Variants in NDUFB3 observed in about 807,000 individuals in gnomAD.
The protein encoded by NDUFB3 is NADH dehydrogenase [ubiquinone] 1 beta subcomplex subunit 3.
Under a neutral mutation model 9.0 loss-of-function variants are expected in NDUFB3, and 7 were observed. The ratio of observed to expected loss-of-function variants is 0.78; its 90% CI spans 0.44 to 1.46. NDUFB3 has a LOEUF of 1.46. Among genes scored for constraint, NDUFB3 ranks in the 40% most tolerant of loss-of-function variants. NDUFB3 has a pLI of 0.01. For missense variants in NDUFB3, 93 were observed against 115.4 expected (o/e 0.81, Z 0.89); for synonymous variants, 29 against 38.5 (o/e 0.75, Z 0.91).
At chr2:201,083,686 T>C (rs1266085387) in intron 2 of NDUFB3, among the ~76,000 whole-genome samples, 1 of 152,218 alleles carries the variant, frequency 6.6e-6, no homozygotes, top group African/African-American at 2.4e-5. Flanking sequence ...TGTTAAATGC[T>C]TTTTCTGCAT....
chr2:201,080,397 T>C (rs890606157), intron 2 of NDUFB3, among the ~76,000 whole-genome samples: 1 of 152,090 alleles, frequency 6.6e-6, no homozygotes, highest in African/African-American at 2.4e-5. Flanking sequence ...AGGGAGACTT[T>C]GTCTCTACAA....
intron 2 of NDUFB3, among the ~76,000 whole-genome samples, chr2:201,084,106 T>C (rs1222720685): frequency 6.6e-6 from 1 of 152,026 alleles, no homozygotes; most frequent in Non-Finnish European, 1.5e-5. Context: ...GTGGCCAACA[T>C]AGTGAAACCC....
chr2:201,085,237 A>G (rs770495078), intron 2 of NDUFB3, among the ~76,000 whole-genome samples: 15 of 152,358 alleles, frequency 9.8e-5, no homozygotes, highest in Middle Eastern at 3.4e-3. Context: ...GCATATGACT[A>G]TTAAATGTGA....
At chr2:201,077,772 C>T (rs770388048) in intron 1 of NDUFB3, among the ~76,000 whole-genome samples, 3 of 152,168 alleles carry the variant, frequency 2.0e-5, no homozygotes, top group Non-Finnish European at 4.4e-5. Context: ...TGTGTTTTCT[C>T]TTCCTATAAA....
chr2:201,083,428 C>T (rs558578704), intron 2 of NDUFB3, among the ~76,000 whole-genome samples: 3 of 147,660 alleles, frequency 2.0e-5, no homozygotes, highest in East Asian at 2.0e-4. Context: ...GATCTTGGCT[C>T]ACCGCAACCT....
At chr2:201,075,379 C>T (rs1159801815) in intron 1 of NDUFB3, among the ~76,000 whole-genome samples, 1 of 151,678 alleles carries the variant, frequency 6.6e-6, no homozygotes, top group Non-Finnish European at 1.5e-5. Context: ...TCCTAGCTAA[C>T]ACGGTGAAAC....
At chr2:201,084,156 G>A (rs2047263491) in intron 2 of NDUFB3, among the ~76,000 whole-genome samples, 1 of 152,156 alleles carries the variant, frequency 6.6e-6, no homozygotes, top group Non-Finnish European at 1.5e-5. Context: ...TGGATGTGGT[G>A]GTGTGCGCCT....
intron 1 of NDUFB3, among the ~76,000 whole-genome samples, chr2:201,075,191 A>G (rs980704915): frequency 6.6e-6 from 1 of 151,650 alleles, no homozygotes; most frequent in Admixed American, 6.6e-5. Context: ...AAAAAAAAAA[A>G]AAAAGAAAAA....
At chr2:201,080,699 CTTTTT>C (rs58130221) in intron 2 of NDUFB3, among the ~76,000 whole-genome samples, 3 of 99,028 alleles carry the variant, frequency 3.0e-5, no homozygotes, top group African/African-American at 1.3e-4. Flanking sequence ...AGATCTCCAA[CTTTTT>C]TTTTTTTTTT....
In NDUFB3 at chr2:201,085,730, T is replaced by TAA. The variant is rs1329710750; in HGVS notation, c.*118_*119dup. On this transcript the variant is annotated 3_prime_UTR_variant, in exon 3 of 3. Transcript: ENST00000237889. ...AGAATATTAGTAAGATTTAATCAAT[T>TAA]AAAATATATATATATGCCAATCTGC... 2.3e-5 allele frequency: 17 copies of TAA among 738,868 alleles called. No homozygotes were observed. The highest frequency in any genetic ancestry group is 3.2e-5 in the Non-Finnish European group (16 of 496,758). The allele number at this position is 738,868 out of a possible 1,614,324, so 45.8% of individuals were successfully genotyped here.
At position 201,085,443 on chromosome 2, in the gene NDUFB3, C is replaced by T. The variant is rs556181674; in HGVS notation, c.141-16C>T. 22 of 1,207,810 alleles carry T rather than the reference C, an allele frequency of 1.8e-5. No homozygotes were observed. The highest frequency in any genetic ancestry group is 2.1e-4 in the Middle Eastern group (1 of 4,712). 74.8% of individuals were successfully genotyped at this position (1,207,810 alleles called of 1,614,324 possible). On this transcript the variant is annotated splice_polypyrimidine_tract_variant and intron_variant, in intron 2 of 2. Coordinates refer to ENST00000237889, the MANE Select transcript of NDUFB3 (RefSeq NM_002491.3). Reference sequence around the variant, plus strand: ...ACGTTGTGTATGATTATAATTTTTTCTTTTTTTTTTTCTAGCAATGAAGCT... The same window carrying T: ...ACGTTGTGTATGATTATAATTTTTTTTTTTTTTTTTTCTAGCAATGAAGCT...
intron 2 of NDUFB3, among the ~76,000 whole-genome samples, chr2:201,081,772 C>T (rs1162948946): frequency 6.6e-6 from 1 of 151,280 alleles, no homozygotes; most frequent in Non-Finnish European, 1.5e-5. Flanking sequence ...CCTCAGCCTC[C>T]TGAGTAGCTG....
chr2:201,076,515 T>TATATATATATATATAAA (rs1165786222), intron 1 of NDUFB3, among the ~76,000 whole-genome samples: 1 of 115,876 alleles, frequency 8.6e-6, no homozygotes, highest in Non-Finnish European at 1.9e-5. Context: ...ATATATATAA[T>TATATATATATATATAAA]TAAATGTGAA....
chr2:201,083,467 G>C (rs1559150294), intron 2 of NDUFB3, among the ~76,000 whole-genome samples: 1 of 148,622 alleles, frequency 6.7e-6, no homozygotes, highest in Non-Finnish European at 1.5e-5. Context: ...CGATTCTCCT[G>C]CCTCTGCCTC....
intron 1 of NDUFB3, among the ~76,000 whole-genome samples, chr2:201,075,253 C>G (rs1276216862): frequency 2.0e-5 from 3 of 151,418 alleles, no homozygotes; most frequent in Admixed American, 6.6e-5. Flanking sequence ...ACTTTCTGCT[C>G]TTTTTGAAAA....
At chr2:201,076,791 C>G (rs2047169148) in intron 1 of NDUFB3, among the ~76,000 whole-genome samples, 1 of 151,912 alleles carries the variant, frequency 6.6e-6, no homozygotes, top group South Asian at 2.1e-4. Flanking sequence ...CCTCTCTCTT[C>G]TGAGATGCAA....
chr2:201,075,395 C>A (rs981544414), intron 1 of NDUFB3, among the ~76,000 whole-genome samples: 2 of 151,602 alleles, frequency 1.3e-5, no homozygotes, highest in Non-Finnish European at 2.9e-5. Flanking sequence ...GAAACCCCAT[C>A]TCTACTACAA....
chr2:201,074,833 G>A (rs980778423), intron 1 of NDUFB3, among the ~76,000 whole-genome samples: 1 of 152,200 alleles, frequency 6.6e-6, no homozygotes, highest in African/African-American at 2.4e-5. Flanking sequence ...AAGTATGAAA[G>A]TAGAAGGCAC....
In NDUFB3 at chr2:201,078,951, G is replaced by A; in HGVS notation, c.69G>A (p.Lys23=). 3.7e-6 allele frequency: 6 copies of A among 1,613,430 alleles called. No homozygotes were observed. Among genetic ancestry groups the A allele is most frequent in the Non-Finnish European group, 5.1e-6 (6 of 1,179,706 alleles). Residue 23 remains lysine (K), a synonymous_variant, in exon 2 of 3, where the codon AAG becomes AAA. Transcript: ENST00000237889. ...AACTTCCAGATTATAGACAATGGAA[G>A]ATAGAAGGGACACCATTAGAAACTA... is the stretch of plus-strand genomic sequence containing the variant. ...KMELPDYRQW[K]IEGTPLETIQ...
Sources: gnomAD v4.1 joint callset for allele counts (sites outside exome capture counted in the v4.1 genomes callset) on GRCh38, gnomAD v4.1.1 for gene constraint, MANE v1.5 for transcripts, NCBI Gene and HGNC (gene_info 2026-07-23, HGNC 2026-07-21) for gene names.